The following SHISA6 variants were observed in gnomAD, a reference collection of about 807,000 sequenced individuals.
SHISA6 encodes the protein protein shisa-6.
A neutral mutation model predicts 47.9 loss-of-function variants in SHISA6; 22 were observed. The ratio of observed to expected loss-of-function variants is 0.46; its 90% CI spans 0.33 to 0.66. SHISA6 has a LOEUF of 0.66. Among genes scored for constraint, SHISA6 ranks in the 30% least tolerant of loss-of-function variants. SHISA6 has a pLI of 0.02. For missense variants in SHISA6, 680 were observed against 764.6 expected, an observed-to-expected ratio of 0.89 and a Z score of 1.30; for synonymous variants, 388 against 337.8, an observed-to-expected ratio of 1.15 and a Z score of -1.63.
Position 11,379,428 on chromosome 17 carries a change from G to A in SHISA6, c.814G>A (p.Asp272Asn), listed in dbSNP as rs755905688. The A allele has an allele frequency of 6.5e-7, 1 of 1,539,338 alleles. No homozygotes were observed. Among genetic ancestry groups the A allele is most frequent in the African/African-American group, 1.4e-5 (1 of 72,104 alleles). The part of the protein sequence containing the change: ...AKQTPGHYGK[D>N]AYRSGGPDLH... ...TCTTCTTGCAGGGCATTATGGGAAGGATGCTTACCGAAGTGGAGGACCTGA... is the reference window on the plus strand; with the variant it reads ...TCTTCTTGCAGGGCATTATGGGAAGAATGCTTACCGAAGTGGAGGACCTGA... The change falls in exon 3 of 6, where the codon GAT (aspartate) becomes AAT (asparagine). Residue 272 changes from aspartate (D) to asparagine (N), a missense_variant. This residue lies in a region of SHISA6 where 559 missense variants were observed against 674.1 expected (regional missense o/e 0.83). Transcript: ENST00000441885.
intron 2 of SHISA6, among the ~76,000 whole-genome samples, chr17:11,335,725 A>G (rs1311588007): frequency 2.0e-5 from 3 of 152,202 alleles, no homozygotes; most frequent in Non-Finnish European, 4.4e-5. Context: ...CATGGAGGAA[A>G]GAAAGGCAGA....
chr17:11,504,982 T>G (rs2071486814), intron 3 of SHISA6, among the ~76,000 whole-genome samples: 1 of 152,214 alleles, frequency 6.6e-6, no homozygotes, highest in Non-Finnish European at 1.5e-5. Flanking sequence ...TTGTCCTCAC[T>G]GGCCAGTTCC....
At chr17:11,364,650 G>A (rs577243920) in intron 2 of SHISA6, among the ~76,000 whole-genome samples, 1 of 152,216 alleles carries the variant, frequency 6.6e-6, no homozygotes, top group African/African-American at 2.4e-5. Flanking sequence ...TTTAAATAAA[G>A]CTGCAATAAA....
chr17:11,315,756 G>A (rs561095318), intron 2 of SHISA6, among the ~76,000 whole-genome samples: 3 of 152,064 alleles, frequency 2.0e-5, no homozygotes, highest in South Asian at 2.1e-4. Context: ...ATGCTTTATT[G>A]TATTACTACA....
intron 2 of SHISA6, among the ~76,000 whole-genome samples, chr17:11,320,651 T>A (rs1245389856): frequency 1.3e-5 from 1 of 79,630 alleles, no homozygotes; most frequent in Non-Finnish European, 2.8e-5. Context: ...AGAGCGAAAC[T>A]CCATCACCAA....
At chr17:11,312,059 C>T (rs532557827) in intron 2 of SHISA6, among the ~76,000 whole-genome samples, 2 of 152,232 alleles carry the variant, frequency 1.3e-5, no homozygotes, top group Admixed American at 1.3e-4. Flanking sequence ...CAGGTGTGAG[C>T]CACCACACCC....
At chr17:11,440,911 C>A (rs560260716) in intron 3 of SHISA6, among the ~76,000 whole-genome samples, 1 of 151,550 alleles carries the variant, frequency 6.6e-6, no homozygotes, top group Admixed American at 6.6e-5. Context: ...ATAAAGATAG[C>A]CTGGGACCAA....
At position 11,323,602 on chromosome 17, in the gene SHISA6, C is replaced by T. The variant is rs543316649; in HGVS notation, c.800-55812C>T. On this transcript the variant is annotated intron_variant, in intron 2 of 5. Coordinates refer to ENST00000441885, the MANE Select transcript of SHISA6 (RefSeq NM_207386.4). Reference sequence around the variant, plus strand: ...CCGGGAGGCAGAGGTTGCAGTGAGCCGAGATCGCGCCATTGCACTCCATCC... The same window carrying T: ...CCGGGAGGCAGAGGTTGCAGTGAGCTGAGATCGCGCCATTGCACTCCATCC... Among the ~76,000 whole-genome samples the T allele has an allele frequency of 8.6e-5, 13 of 151,846 alleles. No homozygotes were observed. The East Asian group carries it at 1.6e-3, about 18-fold the overall frequency.
At chr17:11,502,738 T>C (rs568946937) in intron 3 of SHISA6, among the ~76,000 whole-genome samples, 10 of 152,188 alleles carry the variant, frequency 6.6e-5, no homozygotes, top group African/African-American at 2.2e-4. Flanking sequence ...AAAAAATAAA[T>C]AAATAATAAA....
chr17:11,366,018 G>A (rs576297184), intron 2 of SHISA6, among the ~76,000 whole-genome samples: 1 of 152,342 alleles, frequency 6.6e-6, no homozygotes, highest in South Asian at 2.1e-4. Context: ...TGTAAGACAG[G>A]CATAAGCTGG....
rs542268401 is a variant in SHISA6 at position 11,306,897 on chromosome 17, G to A, written c.799+43371G>A. On this transcript the variant is annotated intron_variant, in intron 2 of 5. Transcript: ENST00000441885. ...TGACTTGTCCCATCCAAAACCAGCC[G>A]TAGGAGTTGGTGGAAAGGGAAGGCA... 3.3e-5 allele frequency among the ~76,000 whole-genome samples: 5 copies of A among 152,196 alleles called. No individual in the cohort carries two copies. The East Asian group carries it at 5.8e-4, about 18-fold the overall frequency.
intron 2 of SHISA6, among the ~76,000 whole-genome samples, chr17:11,323,614 A>G (rs1910780556): frequency 1.3e-5 from 2 of 151,994 alleles, no homozygotes; most frequent in African/African-American, 4.8e-5. Context: ...AGATCGCGCC[A>G]TTGCACTCCA....
intron 3 of SHISA6, among the ~76,000 whole-genome samples, chr17:11,498,565 A>G (rs2071426357): frequency 6.6e-6 from 1 of 152,244 alleles, no homozygotes; most frequent in South Asian, 2.1e-4. Context: ...GGGGATGGAC[A>G]TCCCAATTGC....
intron 2 of SHISA6, among the ~76,000 whole-genome samples, chr17:11,333,466 C>T (rs914680730): frequency 6.6e-6 from 1 of 152,124 alleles, no homozygotes; most frequent in Non-Finnish European, 1.5e-5. Flanking sequence ...ATCCATCAGG[C>T]TAATCTGTTG....
At chr17:11,402,827 G>A (rs1053665955) in intron 3 of SHISA6, among the ~76,000 whole-genome samples, 1 of 152,216 alleles carries the variant, frequency 6.6e-6, no homozygotes, top group African/African-American at 2.4e-5. Flanking sequence ...GCCTCAGCGA[G>A]GGAACCAGCA....
chr17:11,341,027 A>T (rs1417930230), intron 2 of SHISA6, among the ~76,000 whole-genome samples: 2 of 152,192 alleles, frequency 1.3e-5, no homozygotes, highest in Admixed American at 6.5e-5. Context: ...CCTGTTTCTC[A>T]TGTGGATAAT....
chr17:11,457,513 C>T (rs1182803641), intron 3 of SHISA6, among the ~76,000 whole-genome samples: 4 of 149,364 alleles, frequency 2.7e-5, no homozygotes, highest in South Asian at 2.1e-4. Context: ...AGGCAGATCA[C>T]GAAGTCAGGA....
rs150033289 is a variant in SHISA6, at chr17:11,263,356, CCTT to C, written c.639-9_639-7del. ...AGTGAATCTCATTATGTGATCTCCTCCTTGTTTAGGGCTCTGGCTGACATCTTA... is the reference window on the plus strand; with the variant it reads ...AGTGAATCTCATTATGTGATCTCCTCGTTTAGGGCTCTGGCTGACATCTTA... On this transcript the variant is annotated splice_polypyrimidine_tract_variant and splice_region_variant and intron_variant, in intron 1 of 5. Transcript: ENST00000441885. 1.1e-4 allele frequency: 165 copies of C among 1,551,960 alleles called. 1 individual carries two copies. The African/African-American group carries it at 2.1e-3, about 20-fold the overall frequency.
chr17:11,523,359 G>A (rs1365316179), intron 3 of SHISA6, among the ~76,000 whole-genome samples: 1 of 152,204 alleles, frequency 6.6e-6, no homozygotes, highest in East Asian at 1.9e-4. Context: ...AAAGGAATCT[G>A]ACAAAACACC....
Sources: allele counts gnomAD v4.1 joint callset (sites outside exome capture counted in the v4.1 genomes callset), GRCh38; gene constraint gnomAD v4.1.1; regional missense constraint gnomAD v4.1.1; transcripts MANE v1.5; gene names NCBI Gene and HGNC (gene_info 2026-07-23, HGNC 2026-07-21).